The following CASK variants were observed in gnomAD, a reference collection of about 807,000 sequenced individuals.
The protein encoded by CASK is peripheral plasma membrane protein CASK.
In CASK, 4 loss-of-function variants were observed where a neutral mutation model predicts 82.9. The observed-to-expected ratio is 0.05, with a 90% CI of 0.02 to 0.11. CASK has a LOEUF of 0.11. CASK is among the 10% of genes least tolerant of loss of function. The pLI is 1.00. For synonymous variants in CASK, 259 were observed against 253.5 expected, an observed-to-expected ratio of 1.02 and a Z score of -0.20; for missense variants, 358 against 720.9, an observed-to-expected ratio of 0.50 and a Z score of 5.76.
intron 5 of CASK, among the ~76,000 whole-genome samples, chrX:41,713,293 G>T (rs2068009742): frequency 8.9e-6 from 1 of 112,177 alleles, no homozygotes; most frequent in African/African-American, 3.2e-5. Context: ...GAGCATGTTT[G>T]GTTGAGGTAG....
chrX:41,918,968 C>A, intron 1 of CASK, among the ~76,000 whole-genome samples: 1 of 111,780 alleles, frequency 8.9e-6, no homozygotes. Context: ...CCGGATGATT[C>A]TAATATGCAG....
chrX:41,651,607 G>A (rs2066866976), intron 8 of CASK, among the ~76,000 whole-genome samples: 1 of 111,363 alleles, frequency 9.0e-6, no homozygotes, highest in South Asian at 3.8e-4. Flanking sequence ...TGTTGCCCAG[G>A]CTGAGAAGTA....
chrX:41,520,460 C>A lies in CASK; in HGVS notation c.2741G>T (p.Cys914Phe). The change falls in exon 27 of 27, where the codon TGC (cysteine) becomes TTC (phenylalanine). Residue 914 changes from cysteine to phenylalanine, a missense_variant. Transcript: ENST00000378163. Reference protein sequence around the residue: ...RHLEEAVELVCTAPQWVPVSW... With the variant: ...RHLEEAVELVFTAPQWVPVSW... The stretch of plus-strand genomic sequence containing the variant: ...GACAGGGACCCACTGTGGGGCTGTG[C>A]ACACGAGCTCAACAGCTTCCTCCAG... The A allele has an allele frequency of 8.3e-7, 1 of 1,209,762 alleles. No individual in the cohort carries two copies. The highest frequency in any genetic ancestry group is 1.1e-6 in the Non-Finnish European group (1 of 894,110).
intron 7 of CASK, among the ~76,000 whole-genome samples, chrX:41,662,071 A>G (rs1399255394): frequency 8.9e-6 from 1 of 111,823 alleles, no homozygotes; most frequent in Non-Finnish European, 1.9e-5. Context: ...ACAGTCCAAC[A>G]CAGGATTTTC....
intron 8 of CASK, among the ~76,000 whole-genome samples, chrX:41,644,724 G>A (rs149762830): frequency 4.7e-4 from 53 of 111,960 alleles, no homozygotes; most frequent in African/African-American, 1.7e-3. Context: ...AGCATGGAAC[G>A]TCCTTGAGAA....
rs1282304202 is a variant in CASK, at chrX:41,519,227, G to C, written c.*1193C>G. The C allele has an allele frequency of 8.9e-6, 1 of 111,785 alleles. No homozygotes were observed. Among genetic ancestry groups the C allele is most frequent in the Non-Finnish European group, 1.9e-5 (1 of 53,124 alleles). 9.2% of individuals were successfully genotyped at this position (111,785 alleles called of 1,213,427 possible). ...CATTTAATTATTGAACACATAAAAG[G>C]AAGTATATTTAAAAAAAATTGGTCA... On this transcript the variant is annotated 3_prime_UTR_variant, in exon 27 of 27. Transcript: ENST00000378163.
At chrX:41,639,457 G>A (rs904826911) in intron 8 of CASK, among the ~76,000 whole-genome samples, 1 of 103,696 alleles carries the variant, frequency 9.6e-6, no homozygotes, top group Admixed American at 1.1e-4. Flanking sequence ...AAAAAAAAGC[G>A]GGAAGACTAG....
At chrX:41,887,655 G>T (rs886907821) in intron 1 of CASK, among the ~76,000 whole-genome samples, 4 of 110,483 alleles carry the variant, frequency 3.6e-5, no homozygotes, top group African/African-American at 1.3e-4. Flanking sequence ...GGCACAGCAG[G>T]CTCAGCCAAC....
At chrX:41,788,179 A>G (rs941820774) in intron 2 of CASK, among the ~76,000 whole-genome samples, 10 of 108,093 alleles carry the variant, frequency 9.3e-5, no homozygotes, top group Non-Finnish European at 1.5e-4. Context: ...AAAAAAAAAA[A>G]GTGTTGGATA....
chrX:41,610,009 C>G lies in CASK; in HGVS notation c.1050G>C (p.Val350=). 2 of 1,210,604 alleles carry G rather than the reference C, an allele frequency of 1.7e-6. No homozygotes were observed. Among genetic ancestry groups the G allele is most frequent in the Non-Finnish European group, 2.2e-6 (2 of 894,501 alleles). Residue 350 remains valine, a synonymous_variant, in exon 12 of 27, where the codon GTG becomes GTC. Coordinates refer to ENST00000378163, the MANE Select transcript of CASK (RefSeq NM_001367721.1). ...CATGAATCTCTTCCAGGCTGTCCAG[C>G]ACCTGTGAGACTGCTCCTAAGGGGG... ...LLAAERAVSQ[V]LDSLEEIHAL... is the part of the protein sequence containing the mutation.
intron 12 of CASK, among the ~76,000 whole-genome samples, chrX:41,600,881 T>G (rs1168804284): frequency 8.9e-6 from 1 of 111,887 alleles, no homozygotes; most frequent in Non-Finnish European, 1.9e-5. Context: ...ACAAACAAAA[T>G]GTACTATACA....
chrX:41,781,004 G>C (rs1468976360), intron 3 of CASK, among the ~76,000 whole-genome samples: 1 of 108,809 alleles, frequency 9.2e-6, no homozygotes, highest in African/African-American at 3.4e-5. Context: ...ACAGTGGCAT[G>C]ATCTTGGTTC....
intron 5 of CASK, among the ~76,000 whole-genome samples, chrX:41,724,828 A>G (rs2068229283): frequency 8.9e-6 from 1 of 111,959 alleles, no homozygotes. Flanking sequence ...CAGAAGCACC[A>G]TTACCTTTGC....
intron 22 of CASK, among the ~76,000 whole-genome samples, chrX:41,542,226 C>G (rs920925966): frequency 8.9e-6 from 1 of 112,546 alleles, no homozygotes; most frequent in South Asian, 3.6e-4. Context: ...CTCTCTCAAA[C>G]CAACCACAGA....
intron 1 of CASK, among the ~76,000 whole-genome samples, chrX:41,861,718 T>C (rs1248871157): frequency 9.7e-6 from 1 of 103,600 alleles, no homozygotes; most frequent in East Asian, 2.9e-4. Flanking sequence ...TGTGTGCGTG[T>C]ATATATACAC....
chrX:41,605,712 T>C (rs1052600771), intron 12 of CASK, among the ~76,000 whole-genome samples: 4 of 112,053 alleles, frequency 3.6e-5, no homozygotes, highest in African/African-American at 1.3e-4. Context: ...AGAGTTTTGC[T>C]CTGTCTCCCA....
rs1272009645 is a variant in CASK, at chrX:41,875,463, C to A, written c.60-22236G>T. 2.7e-5 allele frequency among the ~76,000 whole-genome samples: 3 copies of A among 111,398 alleles called. No homozygotes were observed. In the East Asian group the frequency reaches 8.4e-4, roughly 31 times the overall value. The stretch of plus-strand genomic sequence containing the variant: ...GACTCAGCCATGCTACTCTTCTAGT[C>A]ATCAGAAACAGCACTATGGGGCCAT... On this transcript the variant is annotated intron_variant, in intron 1 of 26. Coordinates refer to ENST00000378163, the MANE Select transcript of CASK (RefSeq NM_001367721.1).
rs181074128 is a variant in CASK at position 41,813,658 on chromosome X, A to T, written c.173-26375T>A. Among the ~76,000 whole-genome samples, 51 of 111,767 alleles carry T rather than the reference A, an allele frequency of 4.6e-4. No individual in the cohort carries two copies. In the East Asian group the frequency reaches 0.013, roughly 28 times the overall value. ...AAAACCCTAGAAGAAAACCTAGGCA[A>T]TACCATTCAGGACATAGGCATGGGC... On this transcript the variant is annotated intron_variant, in intron 2 of 26. Transcript: ENST00000378163.
At chrX:41,613,520 G>A (rs1380632917) in intron 11 of CASK, among the ~76,000 whole-genome samples, 1 of 94,181 alleles carries the variant, frequency 1.1e-5, no homozygotes, top group South Asian at 5.7e-4. Flanking sequence ...CCTCTGCCTA[G>A]GAAAACCAGA....
Sources: gnomAD v4.1 joint callset for allele counts (sites outside exome capture counted in the v4.1 genomes callset) on GRCh38, gnomAD v4.1.1 for gene constraint, MANE v1.5 for transcripts, NCBI Gene and HGNC (gene_info 2026-07-23, HGNC 2026-07-21) for gene names.